Variants in DOCK5 observed in about 807,000 individuals in gnomAD.
DOCK5 encodes the protein dedicator of cytokinesis 5, also known as dedicator of cytokinesis protein 5.
A neutral mutation model predicts 251.8 loss-of-function variants in DOCK5; 142 were observed. That is an observed-to-expected ratio of 0.56 (90% CI 0.49 to 0.65). DOCK5 has a LOEUF of 0.65. Ranked by LOEUF, DOCK5 falls within the 30% of genes least tolerant of loss-of-function variation. The pLI is 0.00. For missense variants in DOCK5, 2,111 were observed against 2,312.3 expected, an observed-to-expected ratio of 0.91 and a Z score of 1.79; for synonymous variants, 842 against 835.5, an observed-to-expected ratio of 1.01 and a Z score of -0.13.
Position 25,411,464 on chromosome 8 carries a change from T to C in DOCK5, c.*166T>C, listed in dbSNP as rs1460171163. 5.6e-6 allele frequency: 6 copies of C among 1,063,206 alleles called. No individual in the cohort carries two copies. The highest frequency in any genetic ancestry group is 7.3e-6 in the Non-Finnish European group (6 of 817,980). The allele number at this position is 1,063,206 out of a possible 1,614,324, so 65.9% of individuals were successfully genotyped here. The stretch of plus-strand genomic sequence containing the variant: ...GTCATGTTCTTCCAAAAGCTTCTCT[T>C]TGATAGAATTTTGAGGCCATGCCAC... On this transcript the variant is annotated 3_prime_UTR_variant, in exon 52 of 52. Coordinates refer to ENST00000276440, the MANE Select transcript of DOCK5 (RefSeq NM_024940.8).
chr8:25,364,566 T>A, intron 29 of DOCK5, 60 bp from the exon 30 acceptor site: 1 of 1,263,732 alleles, frequency 7.9e-7, no homozygotes, highest in Non-Finnish European at 1.1e-6. Flanking sequence ...TTAATATAGG[T>A]GGGAAAAGGT....
intron 5 of DOCK5, among the ~76,000 whole-genome samples, chr8:25,283,764 A>G (rs891790732): frequency 2.0e-5 from 3 of 152,154 alleles, no homozygotes; most frequent in Non-Finnish European, 4.4e-5. Context: ...TTCTCACCAT[A>G]CATAGAGAAC....
In DOCK5 at chr8:25,395,524, C is replaced by A. The variant is rs767406181; in HGVS notation, c.4528-19C>A. 6.3e-7 allele frequency: 1 copy of A among 1,599,470 alleles called. No homozygotes were observed. The highest frequency in any genetic ancestry group is 8.5e-7 in the Non-Finnish European group (1 of 1,176,404). ...GAGCTGACAAGTGTCCTCTTTCTCC[C>A]ATGTGCTCTGTCACTCAGGAAGAGA... On this transcript the variant is annotated intron_variant, in intron 44 of 51. Coordinates refer to ENST00000276440, the MANE Select transcript of DOCK5 (RefSeq NM_024940.8).
rs1477386356 is a variant in DOCK5, at chr8:25,294,193, G to A, written c.470+2021G>A. On this transcript the variant is annotated intron_variant, in intron 6 of 51. Transcript: ENST00000276440. ...TTTCCCGTTCCAGCTCTTGGAAGTC[G>A]CTCAGGAAATGGAGCTGCTGTGTCA... 7.2e-5 allele frequency among the ~76,000 whole-genome samples: 11 copies of A among 152,194 alleles called. No homozygotes were observed. In the East Asian group the frequency reaches 1.4e-3, roughly 19 times the overall value.
At chr8:25,265,544 A>G (rs917276559) in intron 2 of DOCK5, among the ~76,000 whole-genome samples, 1 of 151,828 alleles carries the variant, frequency 6.6e-6, no homozygotes, top group Non-Finnish European at 1.5e-5. Context: ...GTTACCAACC[A>G]TTCTCTGCCA....
intron 3 of DOCK5, among the ~76,000 whole-genome samples, chr8:25,274,342 A>G (rs1803987905): frequency 6.6e-6 from 1 of 152,212 alleles, no homozygotes. Flanking sequence ...CAGTTAGCCA[A>G]CAGTGCCAGG....
rs77547427 is a variant in DOCK5, at chr8:25,323,646, G to T, written c.1616-202G>T. ...GCAGATGCTAGTCTCATTTATTAGG[G>T]GATGTAGGAAGAGGAGAGCATACTT... On this transcript the variant is annotated intron_variant, in intron 16 of 51. Transcript: ENST00000276440. Among the ~76,000 whole-genome samples the T allele has an allele frequency of 1.9e-4, 29 of 152,258 alleles. No individual in the cohort carries two copies. In the East Asian group the frequency reaches 5.4e-3, roughly 28 times the overall value.
At chr8:25,305,641 T>C (rs1804898090) in intron 11 of DOCK5, among the ~76,000 whole-genome samples, 1 of 152,140 alleles carries the variant, frequency 6.6e-6, no homozygotes. Context: ...AATAAGGACA[T>C]GAAGGGAATA....
intron 39 of DOCK5, among the ~76,000 whole-genome samples, chr8:25,381,179 T>G (rs1801060903): frequency 6.6e-6 from 1 of 152,226 alleles, no homozygotes; most frequent in Admixed American, 6.5e-5. Flanking sequence ...AATTTAATAA[T>G]TTCTAGTAGA....
chr8:25,364,596 GCTT>G, intron 29 of DOCK5, 27 bp from the exon 30 acceptor site: 4 of 1,529,842 alleles, frequency 2.6e-6, no homozygotes, highest in Non-Finnish European at 3.6e-6. Context: ...CATACAGTTG[GCTT>G]CTTTATCTGG....
At chr8:25,336,514 T>C in intron 22 of DOCK5, 141 bp downstream of exon 22, 1 of 1,180,500 alleles carries the variant, frequency 8.5e-7, no homozygotes, top group Non-Finnish European at 1.2e-6. Flanking sequence ...GGGCTGAAGA[T>C]GGATTTGGGC....
Position 25,412,000 on chromosome 8 carries a change from C to CTGACTAA in DOCK5, c.*705_*711dup, listed in dbSNP as rs1801639067. The CTGACTAA allele has an allele frequency of 6.6e-6, 1 of 151,634 alleles. No homozygotes were observed. Among genetic ancestry groups the CTGACTAA allele is most frequent in the South Asian group, 2.1e-4 (1 of 4,810 alleles). 9.4% of individuals were successfully genotyped at this position (151,634 alleles called of 1,614,324 possible). A position where few individuals can be genotyped will look rare whatever the true frequency, so the allele number is the denominator to read the frequency against. ...GCCCTCTCCCTCTCCCACCACACTC[C>CTGACTAA]TGACTAATGGCCTTCACTGCGTCGC... On this transcript the variant is annotated 3_prime_UTR_variant, in exon 52 of 52. Transcript: ENST00000276440.
chr8:25,381,027 G>A (rs34582687), intron 39 of DOCK5, among the ~76,000 whole-genome samples: 14,583 of 151,494 alleles, frequency 0.096, 1,036 homozygotes, highest in African/African-American at 0.2. Context: ...TGAATGCCCA[G>A]TGGAAGGCAG....
At chr8:25,192,496 T>A (rs1342755023) in intron 1 of DOCK5, among the ~76,000 whole-genome samples, 1 of 152,162 alleles carries the variant, frequency 6.6e-6, no homozygotes, top group African/African-American at 2.4e-5. Context: ...CCCATTTCCA[T>A]CTGTATTCTT....
chr8:25,250,849 G>T, intron 2 of DOCK5, among the ~76,000 whole-genome samples: 1 of 152,212 alleles, frequency 6.6e-6, no homozygotes, highest in Non-Finnish European at 1.5e-5. Flanking sequence ...GACTATTGTA[G>T]GTTGGTAGTT....
At chr8:25,255,759 T>G (rs922567592) in intron 2 of DOCK5, among the ~76,000 whole-genome samples, 1 of 152,230 alleles carries the variant, frequency 6.6e-6, no homozygotes, top group African/African-American at 2.4e-5. Context: ...AGCAGGGATG[T>G]CTTGTCAGGG....
intron 18 of DOCK5, among the ~76,000 whole-genome samples, chr8:25,331,035 A>G (rs997182954): frequency 1.3e-5 from 2 of 151,994 alleles, no homozygotes; most frequent in Admixed American, 1.3e-4. Context: ...ATGAGCTGAG[A>G]TTGTGTGATT....
chr8:25,349,930 C>T (rs1350312564), intron 26 of DOCK5, among the ~76,000 whole-genome samples: 6 of 152,186 alleles, frequency 3.9e-5, no homozygotes, highest in Non-Finnish European at 8.8e-5. Context: ...AAAGAAAATT[C>T]CTACAGCCAT....
intron 40 of DOCK5, among the ~76,000 whole-genome samples, chr8:25,386,798 C>T (rs984296497): frequency 6.6e-6 from 1 of 152,034 alleles, no homozygotes; most frequent in African/African-American, 2.4e-5. Flanking sequence ...ACTTTCAAGT[C>T]GAAAGCATTC....
Sources: gnomAD v4.1 joint callset for allele counts (sites outside exome capture counted in the v4.1 genomes callset) on GRCh38, gnomAD v4.1.1 for gene constraint, MANE v1.5 for transcripts, NCBI Gene and HGNC (gene_info 2026-07-23, HGNC 2026-07-21) for gene names.